A1CF: variants seen among roughly 807,000 people sequenced by gnomAD.
A1CF encodes APOBEC1 complementation factor.
A neutral mutation model predicts 68.9 loss-of-function variants in A1CF; 48 were observed. The observed-to-expected ratio is 0.70, with a 90% CI of 0.55 to 0.89. The LOEUF (loss-of-function observed/expected upper bound fraction) is 0.89, where lower values mean the gene tolerates loss of function less well. A1CF is among the 40% of genes least tolerant of loss of function. The pLI is 0.00. For missense variants in A1CF, 653 were observed against 718.9 expected, an observed-to-expected ratio of 0.91 and a Z score of 1.05; for synonymous variants, 272 against 260.4, an observed-to-expected ratio of 1.04 and a Z score of -0.43.
At chr10:50,834,510 T>C (rs904923329) in intron 6 of A1CF, among the ~76,000 whole-genome samples, 6 of 152,140 alleles carry the variant, frequency 3.9e-5, no homozygotes, top group East Asian at 1.9e-4. Flanking sequence ...AGAGTTTTTA[T>C]TGGGAAATAG....
At chr10:50,851,973 G>A (rs1220094054) in intron 3 of A1CF, among the ~76,000 whole-genome samples, 1 of 152,164 alleles carries the variant, frequency 6.6e-6, no homozygotes, top group Middle Eastern at 3.2e-3. Context: ...AAGCTTTCAG[G>A]TTCTGAAGAT....
At chr10:50,820,940 G>T (rs1388124565) in intron 7 of A1CF, among the ~76,000 whole-genome samples, 1 of 152,134 alleles carries the variant, frequency 6.6e-6, no homozygotes, top group African/African-American at 2.4e-5. Flanking sequence ...TAATGTAAAA[G>T]ATAGTACATT....
Position 50,863,319 on chromosome 10 carries a change from G to C in A1CF, c.-46+714C>G, listed in dbSNP as rs141744782. The stretch of plus-strand genomic sequence containing the variant: ...AAGCAAGTCAAACTTTTATTAAAAA[G>C]CTTGGCCAAATTGAAATAAAGCCTT... On this transcript the variant is annotated intron_variant, in intron 2 of 12. Transcript: ENST00000373997. Among the ~76,000 whole-genome samples, 30 of 152,240 alleles carry C rather than the reference G, an allele frequency of 2.0e-4. 1 individual carries two copies. The East Asian group carries it at 5.8e-3, about 29-fold the overall frequency.
At chr10:50,882,887 C>T (rs1406456351) in intron 1 of A1CF, among the ~76,000 whole-genome samples, 1 of 152,206 alleles carries the variant, frequency 6.6e-6, no homozygotes, top group African/African-American at 2.4e-5. Flanking sequence ...AGATTTTTAA[C>T]ATCAACTGCC....
intron 8 of A1CF, among the ~76,000 whole-genome samples, chr10:50,818,757 C>G (rs1341773521): frequency 6.6e-6 from 1 of 152,110 alleles, no homozygotes; most frequent in African/African-American, 2.4e-5. Context: ...TGAATACTTT[C>G]TCCACCCCAC....
Position 50,820,566 on chromosome 10 carries a change from C to T in A1CF, c.853G>A (p.Ala285Thr), listed in dbSNP as rs781647376. Reference sequence around the variant, plus strand: ...TTCTACCTTACCTTGCCATTTAAAGCTTTCATAGCCTCAACTGCATCTTCT... The same window carrying T: ...TTCTACCTTACCTTGCCATTTAAAGTTTTCATAGCCTCAACTGCATCTTCT... ...NREDAVEAMK[A>T]LNGKVLDGSP... The change falls in exon 8 of 13, where the codon GCT becomes ACT. Residue 285 changes from alanine to threonine, a missense_variant. Coordinates refer to ENST00000373997, the MANE Select transcript of A1CF (RefSeq NM_014576.4). The T allele has an allele frequency of 6.2e-7, 1 of 1,613,206 alleles. No individual in the cohort carries two copies. Among genetic ancestry groups the T allele is most frequent in the Non-Finnish European group, 8.5e-7 (1 of 1,179,648 alleles).
At chr10:50,837,968 T>C (rs1191090199) in intron 5 of A1CF, among the ~76,000 whole-genome samples, 2 of 152,236 alleles carry the variant, frequency 1.3e-5, no homozygotes, top group Non-Finnish European at 2.9e-5. Context: ...ATAGTGGTTA[T>C]TTTGGGGCAA....
chr10:50,867,232 G>A (rs962587315), intron 1 of A1CF, among the ~76,000 whole-genome samples: 1 of 151,968 alleles, frequency 6.6e-6, no homozygotes, highest in African/African-American at 2.4e-5. Flanking sequence ...TATGTTTATA[G>A]CAGCAATATT....
intron 7 of A1CF, among the ~76,000 whole-genome samples, chr10:50,821,661 G>A (rs79144200): frequency 6.6e-6 from 1 of 151,556 alleles, no homozygotes; most frequent in Non-Finnish European, 1.5e-5. Context: ...TCAGCCTCCC[G>A]AGTAGCTGGG....
At position 50,858,603 on chromosome 10, in the gene A1CF, G is replaced by C. The variant is rs115845679; in HGVS notation, c.99+1239C>G. On this transcript the variant is annotated intron_variant, in intron 3 of 12. Coordinates refer to ENST00000373997, the MANE Select transcript of A1CF (RefSeq NM_014576.4). ...TATTAACAGATTGCTGTTTGAAAGG[G>C]TTGAAATGCTTTCTATTTCTACTGT... Among the ~76,000 whole-genome samples, 822 of 152,188 alleles carry C rather than the reference G, an allele frequency of 5.4e-3. 9 individuals are homozygous for C. Among genetic ancestry groups the C allele is most frequent in the African/African-American group, 0.019 (807 of 41,552 alleles).
At chr10:50,863,905 G>T (rs796283447) in intron 2 of A1CF, 128 bp downstream of exon 2, 15 of 152,288 alleles carry the variant, frequency 9.8e-5, no homozygotes, top group African/African-American at 3.1e-4. Flanking sequence ...AATGTTTGAT[G>T]TGATATTCCA....
intron 3 of A1CF, chr10:50,850,592 T>TG: frequency 6.9e-7 from 1 of 1,448,434 alleles, no homozygotes; most frequent in Non-Finnish European, 9.6e-7. Flanking sequence ...CAAAAAGCAT[T>TG]TGTGTGTGTG....
chr10:50,860,105 C>A, intron 2 of A1CF, 120 bp from the exon 3 acceptor site: 1 of 598,378 alleles, frequency 1.7e-6, no homozygotes, highest in Non-Finnish European at 3.0e-6. Flanking sequence ...GTTAGAGCAA[C>A]TAAGAGTTAC....
intron 7 of A1CF, among the ~76,000 whole-genome samples, chr10:50,824,740 T>C (rs1028345592): frequency 2.0e-5 from 3 of 152,190 alleles, no homozygotes; most frequent in African/African-American, 7.2e-5. Context: ...TTTAAGAACA[T>C]GCCCTTTACC....
chr10:50,820,646 G>A lies in A1CF; in HGVS notation c.773C>T (p.Ala258Val), dbSNP rs761651104. Reference sequence around the variant, plus strand: ...TCGAATTTTCTTCACCCTCTCCACAGCACCTGTAAAATAGAGTGAAGGTTG... The same window carrying A: ...TCGAATTTTCTTCACCCTCTCCACAACACCTGTAAAATAGAGTGAAGGTTG... Reference protein sequence around the residue: ...EKEFNNIKPGAVERVKKIRDY... With the variant: ...EKEFNNIKPGVVERVKKIRDY... Residue 258 changes from alanine to valine, a missense_variant, in exon 8 of 13, where the codon GCT (alanine) becomes GTT (valine). Physicochemically the swap from Ala to Val is moderately conservative, Grantham distance 64. Transcript: ENST00000373997. The A allele has an allele frequency of 5.0e-6, 8 of 1,612,294 alleles. No individual in the cohort carries two copies. Among genetic ancestry groups the A allele is most frequent in the Non-Finnish European group, 6.8e-6 (8 of 1,179,180 alleles).
At chr10:50,830,974 A>T (rs1246777311) in intron 6 of A1CF, among the ~76,000 whole-genome samples, 1 of 152,234 alleles carries the variant, frequency 6.6e-6, no homozygotes, top group Non-Finnish European at 1.5e-5. Flanking sequence ...TGGCCAATTG[A>T]TCTTTGACAA....
chr10:50,865,277 A>G (rs370704032), intron 1 of A1CF, among the ~76,000 whole-genome samples: 1 of 149,728 alleles, frequency 6.7e-6, no homozygotes, highest in Admixed American at 6.7e-5. Flanking sequence ...TCCTACTACT[A>G]CTGCTGCTGC....
At chr10:50,846,230 A>C (rs1037714084) in intron 3 of A1CF, among the ~76,000 whole-genome samples, 34 of 152,344 alleles carry the variant, frequency 2.2e-4, no homozygotes, top group African/African-American at 8.2e-4. Context: ...AGCTATGTGT[A>C]TAAGGTATAT....
At chr10:50,874,043 T>C (rs1440887855) in intron 1 of A1CF, among the ~76,000 whole-genome samples, 1 of 152,190 alleles carries the variant, frequency 6.6e-6, no homozygotes, top group Non-Finnish European at 1.5e-5. Flanking sequence ...ATCAGGGCAT[T>C]AAAACATGCA....
Sources: gnomAD v4.1 joint callset for allele counts (sites outside exome capture counted in the v4.1 genomes callset) on GRCh38, gnomAD v4.1.1 for gene constraint, MANE v1.5 for transcripts, NCBI Gene and HGNC (gene_info 2026-07-23, HGNC 2026-07-21) for gene names.